Variants in CADPS observed in about 807,000 individuals in gnomAD.
The protein encoded by CADPS is calcium-dependent secretion activator 1.
Under a neutral mutation model 167.3 loss-of-function variants are expected in CADPS, and 57 were observed. The ratio of observed to expected loss-of-function variants is 0.34; its 90% confidence interval spans 0.28 to 0.42. CADPS has a LOEUF of 0.42. CADPS is among the 20% of genes least tolerant of loss of function. The probability of loss-of-function intolerance (pLI) is 1.00; values close to 1 mark genes in which losing one functional copy is unlikely to be tolerated. For missense variants in CADPS, 1,414 were observed against 1,738.1 expected (o/e 0.81, Z 3.32); for synonymous variants, 676 against 635.3 (o/e 1.06, Z -0.96).
intron 28 of CADPS, among the ~76,000 whole-genome samples, chr3:62,430,755 G>A (rs1215649554): frequency 1.3e-5 from 2 of 151,988 alleles, no homozygotes; most frequent in African/African-American, 4.8e-5. Flanking sequence ...AGTAGGTAAT[G>A]TTACCAATCA....
intron 3 of CADPS, among the ~76,000 whole-genome samples, chr3:62,677,986 C>G (rs1350159880): frequency 1.3e-5 from 2 of 152,088 alleles, no homozygotes; most frequent in Non-Finnish European, 2.9e-5. Flanking sequence ...GGTTAAACAA[C>G]TGGGGTCTTG....
intron 11 of CADPS, among the ~76,000 whole-genome samples, chr3:62,538,399 T>A (rs2075125840): frequency 6.6e-6 from 1 of 152,066 alleles, no homozygotes; most frequent in Non-Finnish European, 1.5e-5. Flanking sequence ...CAGGTGACAT[T>A]TCTCTATCGC....
chr3:62,580,492 C>T (rs1326580991), intron 8 of CADPS, among the ~76,000 whole-genome samples: 16 of 151,176 alleles, frequency 1.1e-4, no homozygotes, highest in East Asian at 9.7e-4. Flanking sequence ...TGCTAAATGA[C>T]GAGTTAATGG....
intron 21 of CADPS, among the ~76,000 whole-genome samples, chr3:62,483,746 A>G (rs1254977477): frequency 6.6e-6 from 1 of 152,200 alleles, no homozygotes; most frequent in Non-Finnish European, 1.5e-5. Context: ...TTGCCTTTGA[A>G]TTCAGTCCCT....
intron 9 of CADPS, among the ~76,000 whole-genome samples, chr3:62,569,303 T>C (rs1441347825): frequency 1.3e-5 from 2 of 152,196 alleles, no homozygotes; most frequent in African/African-American, 4.8e-5. Flanking sequence ...GGTTTCACCA[T>C]GTTGGCCAGG....
intron 1 of CADPS, among the ~76,000 whole-genome samples, chr3:62,777,848 C>T (rs1418927926): frequency 6.6e-6 from 1 of 152,154 alleles, no homozygotes; most frequent in Admixed American, 6.5e-5. Flanking sequence ...ATCACTCAAG[C>T]CTGTCCTGAT....
intron 1 of CADPS, among the ~76,000 whole-genome samples, chr3:62,843,217 C>G (rs1480054998): frequency 6.6e-6 from 1 of 152,054 alleles, no homozygotes; most frequent in African/African-American, 2.4e-5. Flanking sequence ...CTTCCAAATA[C>G]TGTAGGCAAA....
At chr3:62,600,254 C>A (rs1046690595) in intron 6 of CADPS, among the ~76,000 whole-genome samples, 7 of 151,394 alleles carry the variant, frequency 4.6e-5, no homozygotes, top group South Asian at 2.1e-4. Context: ...GGGAGCAAGG[C>A]GTCAATCCAT....
At chr3:62,403,884 A>G (rs1395563192) in intron 28 of CADPS, 1 of 152,226 alleles carries the variant, frequency 6.6e-6, no homozygotes, top group Non-Finnish European at 1.5e-5. Context: ...AGCTCATTTC[A>G]AGCTGTTGAA....
chr3:62,841,571 G>A (rs971126556), intron 1 of CADPS, among the ~76,000 whole-genome samples: 1 of 152,164 alleles, frequency 6.6e-6, no homozygotes, highest in African/African-American at 2.4e-5. Context: ...ACAAAAATTA[G>A]CTGGGCGTGG....
Position 62,439,285 on chromosome 3 carries a change from A to G in CADPS, c.3670-1074T>C, listed in dbSNP as rs2055806315. ...CTTCTGTGTAATTTCCAGGGTGAAA[A>G]TGAGGAAGGTTTAGAAACAGTAGGA... On this transcript the variant is annotated intron_variant, in intron 27 of 29. Coordinates refer to ENST00000383710, the MANE Select transcript of CADPS (RefSeq NM_003716.4). 4 of 152,168 alleles carry G rather than the reference A, an allele frequency of 2.6e-5. No individual in the cohort carries two copies. The South Asian group carries it at 8.3e-4, about 32-fold the overall frequency. The allele number at this position is 152,168 out of a possible 1,614,324, so 9.4% of individuals were successfully genotyped here.
At chr3:62,696,141 A>G (rs1352769308) in intron 3 of CADPS, among the ~76,000 whole-genome samples, 2 of 152,046 alleles carry the variant, frequency 1.3e-5, no homozygotes, top group Non-Finnish European at 2.9e-5. Context: ...ACTCTCCCTC[A>G]GCTACAAACC....
At chr3:62,809,513 T>C (rs1258765329) in intron 1 of CADPS, among the ~76,000 whole-genome samples, 1 of 152,198 alleles carries the variant, frequency 6.6e-6, no homozygotes, top group African/African-American at 2.4e-5. Context: ...CTCATGTGAC[T>C]GTTTCCTTTT....
intron 1 of CADPS, 66 bp from the exon 2 acceptor site, chr3:62,766,050 T>C (rs1285080282): frequency 1.8e-6 from 2 of 1,134,362 alleles, no homozygotes; most frequent in Non-Finnish European, 2.7e-6. Flanking sequence ...GGATACTTTA[T>C]GCTGAAGATG....
intron 17 of CADPS, among the ~76,000 whole-genome samples, chr3:62,503,750 T>A (rs1247917134): frequency 6.6e-6 from 1 of 152,226 alleles, no homozygotes; most frequent in East Asian, 1.9e-4. Flanking sequence ...AATACTGTAA[T>A]CAGCACTTGA....
At chr3:62,678,025 G>C (rs2150964304) in intron 3 of CADPS, among the ~76,000 whole-genome samples, 1 of 152,198 alleles carries the variant, frequency 6.6e-6, no homozygotes, top group African/African-American at 2.4e-5. Flanking sequence ...GCATATTTAT[G>C]TTGCAAGCCT....
At chr3:62,452,172 G>A (rs957142618) in intron 26 of CADPS, among the ~76,000 whole-genome samples, 10 of 152,290 alleles carry the variant, frequency 6.6e-5, no homozygotes, top group African/African-American at 2.2e-4. Flanking sequence ...AACTAAGAAA[G>A]TACCACTAGG....
chr3:62,594,135 T>A lies in CADPS; in HGVS notation c.1326-1387A>T, dbSNP rs556812859. On this transcript the variant is annotated intron_variant, in intron 6 of 29. Transcript: ENST00000383710. ...TGCTCATTATGATTTTTTTTATTTT[T>A]TTTATTTATTTTTTTTATTTTTTTT... 8.5e-3 allele frequency among the ~76,000 whole-genome samples: 1,270 copies of A among 150,094 alleles called. 21 individuals are homozygous for A. The highest frequency in any genetic ancestry group is 0.027 in the African/African-American group (1,119 of 41,304).
chr3:62,831,500 T>A (rs966647490), intron 1 of CADPS, among the ~76,000 whole-genome samples: 2 of 152,112 alleles, frequency 1.3e-5, no homozygotes, highest in Admixed American at 1.3e-4. Flanking sequence ...CTGGCATGGT[T>A]CCATTACCAA....
Sources: allele counts gnomAD v4.1 joint callset (sites outside exome capture counted in the v4.1 genomes callset), GRCh38; gene constraint gnomAD v4.1.1; transcripts MANE v1.5; gene names NCBI Gene and HGNC (gene_info 2026-07-23, HGNC 2026-07-21).